KDM4B: variants seen among roughly 807,000 people sequenced by gnomAD.
The protein encoded by KDM4B is lysine demethylase 4B, also known as lysine-specific demethylase 4B.
In KDM4B, 32 loss-of-function variants were observed where a neutral mutation model predicts 125.2. The observed-to-expected ratio is 0.26, with a 90% CI of 0.19 to 0.34. KDM4B has a LOEUF of 0.34. Ranked by LOEUF, KDM4B falls within the 10% of genes least tolerant of loss-of-function variation. The probability of loss-of-function intolerance (pLI) is 1.00; values close to 1 mark genes in which losing one functional copy is unlikely to be tolerated. For synonymous variants in KDM4B, 721 were observed against 677.9 expected, an observed-to-expected ratio of 1.06 and a Z score of -0.99; for missense variants, 1,190 against 1,577.7, an observed-to-expected ratio of 0.75 and a Z score of 4.16.
In KDM4B at chr19:5,137,273, A is replaced by G; in HGVS notation, c.2320A>G (p.Ile774Val). The change falls in exon 16 of 23, where the codon ATC becomes GTC. Residue 774 changes from isoleucine to valine, a missense_variant. By Grantham distance (29) the Ile-to-Val change is conservative. Transcript: ENST00000159111. Reference protein sequence around the residue: ...CLQVHASCYGIRPELVNEGWT... With the variant: ...CLQVHASCYGVRPELVNEGWT... ...CCGCTGTCTTCCAGGTTGCTATGGC[A>G]TCCGTCCCGAGCTGGTCAATGAAGG... 6.3e-7 allele frequency: 1 copy of G among 1,574,842 alleles called. No individual in the cohort carries two copies. Among genetic ancestry groups the G allele is most frequent in the Non-Finnish European group, 8.6e-7 (1 of 1,160,544 alleles).
intron 3 of KDM4B, among the ~76,000 whole-genome samples, chr19:5,038,315 C>A (rs1230951629): frequency 1.3e-5 from 2 of 152,196 alleles, no homozygotes; most frequent in Non-Finnish European, 2.9e-5. Context: ...CTGGTCTTGT[C>A]GGCCCATAGG....
intron 6 of KDM4B, among the ~76,000 whole-genome samples, chr19:5,067,148 G>T (rs908846860): frequency 6.6e-6 from 1 of 151,952 alleles, no homozygotes; most frequent in Non-Finnish European, 1.5e-5. Context: ...TTCAGCCCCC[G>T]CCCAGACATA....
chr19:5,089,281 A>G (rs1420953342), intron 9 of KDM4B, among the ~76,000 whole-genome samples: 1 of 152,202 alleles, frequency 6.6e-6, no homozygotes, highest in African/African-American at 2.4e-5. Context: ...CCTTTCTGGA[A>G]GGCCGTCTGC....
At chr19:5,002,393 T>C (rs559659381) in intron 1 of KDM4B, among the ~76,000 whole-genome samples, 168 of 152,152 alleles carry the variant, frequency 1.1e-3, no homozygotes, top group Middle Eastern at 3.4e-3. Flanking sequence ...TCTTTCTCCT[T>C]TCCTTTCCTT....
In KDM4B at chr19:5,141,546, G is replaced by C. The variant is rs1006109557; in HGVS notation, c.2551-2421G>C. The C allele has an allele frequency of 6.6e-6, 1 of 152,320 alleles. No individual in the cohort carries two copies. The highest frequency in any genetic ancestry group is 2.4e-5 in the African/African-American group (1 of 41,560). The allele number at this position is 152,320 out of a possible 1,614,324, so 9.4% of individuals were successfully genotyped here. The stretch of plus-strand genomic sequence containing the variant: ...TAATGGGGCTTTGCAAGGAGGCGGC[G>C]GTTAATTCCTGCTCGCCCAACCGCC... On this transcript the variant is annotated intron_variant, in intron 18 of 22. Transcript: ENST00000159111. The surrounding 1 kb of genome is among the most constrained non-coding windows in gnomAD (Gnocchi z 6.4).
intron 3 of KDM4B, among the ~76,000 whole-genome samples, chr19:5,034,005 A>G (rs2036539681): frequency 6.6e-6 from 1 of 152,172 alleles, no homozygotes; most frequent in Non-Finnish European, 1.5e-5. Flanking sequence ...GTGTTGGTAC[A>G]TGTCTGTGGT....
intron 1 of KDM4B, among the ~76,000 whole-genome samples, chr19:4,998,812 C>G (rs938741833): frequency 6.6e-6 from 1 of 152,164 alleles, no homozygotes; most frequent in Non-Finnish European, 1.5e-5. Context: ...TGTTAAATGT[C>G]CCCCAGGTGG....
chr19:5,091,477 G>A (rs1005985578), intron 9 of KDM4B, among the ~76,000 whole-genome samples: 4 of 152,042 alleles, frequency 2.6e-5, no homozygotes, highest in Admixed American at 6.5e-5. Context: ...CCCCAGAGGC[G>A]CCATTCCAGG....
intron 11 of KDM4B, among the ~76,000 whole-genome samples, chr19:5,124,343 G>A (rs571638502): frequency 3.3e-5 from 5 of 152,348 alleles, no homozygotes; most frequent in African/African-American, 4.8e-5. Flanking sequence ...GCTGCCACCT[G>A]TGGGTTCAGG....
At chr19:5,059,790 A>T (rs966596937) in intron 6 of KDM4B, among the ~76,000 whole-genome samples, 1 of 57,608 alleles carries the variant, frequency 1.7e-5, no homozygotes, top group Non-Finnish European at 3.3e-5. Flanking sequence ...GTAAGCATAG[A>T]GGCATCAGAG....
intron 9 of KDM4B, among the ~76,000 whole-genome samples, chr19:5,086,340 C>T (rs950495200): frequency 2.0e-5 from 3 of 152,004 alleles, no homozygotes; most frequent in Non-Finnish European, 4.4e-5. Context: ...TCTGGTAGGC[C>T]GACGCTGTGC....
intron 1 of KDM4B, among the ~76,000 whole-genome samples, chr19:5,009,320 T>G (rs2035660221): frequency 6.6e-6 from 1 of 152,210 alleles, no homozygotes; most frequent in African/African-American, 2.4e-5. Flanking sequence ...AGAGGCTGTT[T>G]CCCTAGGATG....
chr19:5,027,019 C>T (rs894660236), intron 2 of KDM4B, among the ~76,000 whole-genome samples: 4 of 152,230 alleles, frequency 2.6e-5, no homozygotes, highest in Admixed American at 2.6e-4. Context: ...GCAGCCGAGG[C>T]CTCCTTTGGC....
intron 1 of KDM4B, among the ~76,000 whole-genome samples, 170 bp downstream of exon 1, chr19:4,969,400 T>G (rs1197018916): frequency 6.8e-6 from 1 of 146,322 alleles, no homozygotes. Context: ...GCGGGGCGGT[T>G]GGGGCGTTAA....
chr19:5,019,947 T>C (rs2036048750), intron 2 of KDM4B, among the ~76,000 whole-genome samples: 1 of 137,970 alleles, frequency 7.2e-6, no homozygotes, highest in Non-Finnish European at 1.6e-5. Context: ...TGTGCAGGTG[T>C]TAGTGTGCAG....
At chr19:5,047,142 T>G in intron 5 of KDM4B, 1 of 215,890 alleles carries the variant, frequency 4.6e-6, no homozygotes, top group Non-Finnish European at 9.3e-6. Flanking sequence ...CAGAAAAAAG[T>G]AAAAATTAGC....
chr19:5,065,727 G>T (rs1406316619), intron 6 of KDM4B, among the ~76,000 whole-genome samples: 1 of 152,204 alleles, frequency 6.6e-6, no homozygotes, highest in Non-Finnish European at 1.5e-5. Context: ...CCTGGTTCCG[G>T]CTCCAGCTCC....
rs370112708 is a variant in KDM4B, at chr19:5,131,234, C to G, written c.1474C>G (p.Pro492Ala). 34 of 1,607,974 alleles carry G rather than the reference C, an allele frequency of 2.1e-5. 1 individual carries two copies. In the South Asian group the frequency reaches 3.5e-4, roughly 17 times the overall value. The change falls in exon 12 of 23, where the codon CCA becomes GCA. Residue 492 changes from proline (P) to alanine (A), a missense_variant. Coordinates refer to ENST00000159111, the MANE Select transcript of KDM4B (RefSeq NM_015015.3). ...CCCACTGGAGCCCCCGGTGCTGGGCCCAGGCCCTGCAGCCATGGAGGAGAG... is the reference window on the plus strand; with the variant it reads ...CCCACTGGAGCCCCCGGTGCTGGGCGCAGGCCCTGCAGCCATGGAGGAGAG... ...PSPLEPPVLGPGPAAMEESPL... is the reference protein window; with the variant it reads ...PSPLEPPVLGAGPAAMEESPL...
rs756949102 is a variant in KDM4B at position 5,071,005 on chromosome 19, C to T, written c.627-5C>T. 2.2e-5 allele frequency: 36 copies of T among 1,613,474 alleles called. No individual in the cohort carries two copies. Among genetic ancestry groups the T allele is most frequent in the East Asian group, 2.2e-4 (10 of 44,884 alleles). On this transcript the variant is annotated splice_polypyrimidine_tract_variant and splice_region_variant and intron_variant, in intron 6 of 22. Coordinates refer to ENST00000159111, the MANE Select transcript of KDM4B (RefSeq NM_015015.3). ...TGCCTCTGACGTGCCTCCCTTCTCTCGCAGGTACGCCATCCCACCAGAGCA... is the reference window on the plus strand; with the variant it reads ...TGCCTCTGACGTGCCTCCCTTCTCTTGCAGGTACGCCATCCCACCAGAGCA...
Sources: gnomAD v4.1 joint callset for allele counts (sites outside exome capture counted in the v4.1 genomes callset) on GRCh38, gnomAD v4.1.1 for gene constraint, Gnocchi (gnomAD v3.1) non-coding constraint, MANE v1.5 for transcripts, NCBI Gene and HGNC (gene_info 2026-07-23, HGNC 2026-07-21) for gene names.